Variants in RELN observed in about 807,000 individuals in gnomAD.
RELN encodes reelin.
RELN carries 108 observed loss-of-function variants against 427.6 expected under a neutral mutation model. The ratio of observed to expected loss-of-function variants is 0.25; its 90% CI spans 0.22 to 0.30. RELN has a LOEUF of 0.30. Ranked by LOEUF, RELN falls within the 10% of genes least tolerant of loss-of-function variation. RELN has a pLI of 1.00. For synonymous variants in RELN, 1,524 were observed against 1,513.4 expected (o/e 1.01, Z -0.16); for missense variants, 3,715 against 4,302.8 (o/e 0.86, Z 3.82).
chr7:103,983,779 T>G (rs1015088785), intron 1 of RELN, among the ~76,000 whole-genome samples: 72 of 152,154 alleles, frequency 4.7e-4, no homozygotes, highest in Non-Finnish European at 1.2e-4. Flanking sequence ...CATTCCAACC[T>G]AATGCACTCC....
At chr7:103,639,815 T>C (rs534166864) in intron 17 of RELN, among the ~76,000 whole-genome samples, 61 of 151,594 alleles carry the variant, frequency 4.0e-4, no homozygotes, top group Middle Eastern at 6.8e-3. Flanking sequence ...GTAGACTAGA[T>C]GATCAGCTGT....
chr7:103,636,513 T>A, intron 17 of RELN, 45 bp from the exon 18 acceptor site: 1 of 1,249,710 alleles, frequency 8.0e-7, no homozygotes, highest in Non-Finnish European at 1.2e-6. Context: ...GTTGGCTGTT[T>A]CGGAGATTCT....
chr7:103,548,565 T>C (rs1830348804), intron 41 of RELN, among the ~76,000 whole-genome samples: 1 of 152,248 alleles, frequency 6.6e-6, no homozygotes, highest in Non-Finnish European at 1.5e-5. Context: ...GTTTGAAACG[T>C]GGGTTTATAC....
chr7:103,804,654 A>G (rs1792552814), intron 3 of RELN, among the ~76,000 whole-genome samples: 2 of 152,196 alleles, frequency 1.3e-5, no homozygotes, highest in Non-Finnish European at 2.9e-5. Context: ...AAGAAACAAG[A>G]TCTTTCAGAC....
At chr7:103,900,491 A>G (rs1795060455) in intron 2 of RELN, among the ~76,000 whole-genome samples, 2 of 152,174 alleles carry the variant, frequency 1.3e-5, no homozygotes. Flanking sequence ...CATAGCCAAG[A>G]CAATCCTGGG....
chr7:103,551,377 G>C (rs1246060412), intron 40 of RELN, 81 bp from the exon 41 acceptor site: 3 of 1,003,820 alleles, frequency 3.0e-6, no homozygotes, highest in Non-Finnish European at 4.6e-6. Context: ...TTATTTTCTA[G>C]GGTCCATTTT....
intron 1 of RELN, among the ~76,000 whole-genome samples, chr7:103,973,941 G>A (rs890019342): frequency 7.9e-5 from 12 of 152,132 alleles, no homozygotes; most frequent in Non-Finnish European, 1.2e-4. Context: ...TTAGGAGTTC[G>A]AGACCAGCCT....
chr7:103,839,944 C>T (rs1380215754), intron 2 of RELN, among the ~76,000 whole-genome samples: 1 of 152,126 alleles, frequency 6.6e-6, no homozygotes, highest in African/African-American at 2.4e-5. Flanking sequence ...GTGGATTTCC[C>T]TCTTGCTGTT....
At chr7:103,727,171 C>G (rs1790232598) in intron 7 of RELN, among the ~76,000 whole-genome samples, 2 of 152,074 alleles carry the variant, frequency 1.3e-5, no homozygotes, top group South Asian at 4.1e-4. Context: ...GGAAGTCAGT[C>G]TTTTGACAAC....
In RELN at chr7:103,569,491, C is replaced by T. The variant is rs1830833657; in HGVS notation, c.4588+2693G>A. Among the ~76,000 whole-genome samples the T allele has an allele frequency of 6.6e-6, 1 of 152,216 alleles. No homozygotes were observed. Among genetic ancestry groups the T allele is most frequent in the African/African-American group, 2.4e-5 (1 of 41,458 alleles). ...GTGGAATAATTTGTTATGTAGCATA[C>T]CACTCCAATCCTACTAAATCTAAAT... On this transcript the variant is annotated intron_variant, in intron 31 of 64. Transcript: ENST00000428762. The surrounding 1 kb of genome is among the most constrained non-coding windows in gnomAD (Gnocchi z 4.0).
At chr7:103,748,266 A>G (rs1790898330) in intron 6 of RELN, among the ~76,000 whole-genome samples, 2 of 151,844 alleles carry the variant, frequency 1.3e-5, no homozygotes, top group South Asian at 4.1e-4. Flanking sequence ...ATAAGACTTT[A>G]TGACTAGACT....
intron 51 of RELN, among the ~76,000 whole-genome samples, chr7:103,509,213 G>C (rs139186092): frequency 0.039 from 5,993 of 152,206 alleles, 152 homozygotes; most frequent in Non-Finnish European, 0.046. Context: ...TAAGCAAAAA[G>C]AACAAACCTG....
intron 46 of RELN, among the ~76,000 whole-genome samples, chr7:103,524,368 C>A (rs1449163566): frequency 6.6e-6 from 1 of 152,074 alleles, no homozygotes; most frequent in Non-Finnish European, 1.5e-5. Flanking sequence ...TAAATGAGAC[C>A]AGACTTATTT....
At chr7:103,689,837 C>T (rs1006671839) in intron 10 of RELN, among the ~76,000 whole-genome samples, 3 of 152,106 alleles carry the variant, frequency 2.0e-5, no homozygotes, top group Admixed American at 6.6e-5. Context: ...TCCAGGCTGA[C>T]GCTCTGAAAA....
At chr7:103,629,064 T>A (rs1476370548) in intron 20 of RELN, among the ~76,000 whole-genome samples, 1 of 152,208 alleles carries the variant, frequency 6.6e-6, no homozygotes, top group Non-Finnish European at 1.5e-5. Context: ...TAGTTGCATT[T>A]CTCTTCCTCC....
At chr7:103,670,509 T>C (rs1833367999) in intron 11 of RELN, among the ~76,000 whole-genome samples, 1 of 149,062 alleles carries the variant, frequency 6.7e-6, no homozygotes. Context: ...TGAAGTATAA[T>C]ATGCAAAATG....
In RELN at chr7:103,776,527, T is replaced by C. The variant is rs758393433; in HGVS notation, c.544+30A>G. 5 of 1,610,048 alleles carry C rather than the reference T, an allele frequency of 3.1e-6. No homozygotes were observed. In the African/African-American group the frequency reaches 5.3e-5, roughly 17 times the overall value. ...GGACCTACCATGAATAGTTTGGACA[T>C]AACACAAACAAATCAAATGTGACGC... On this transcript the variant is annotated intron_variant, in intron 4 of 64. Transcript: ENST00000428762.
At chr7:103,638,073 T>TA (rs537252147) in intron 17 of RELN, among the ~76,000 whole-genome samples, 52 of 139,956 alleles carry the variant, frequency 3.7e-4, no homozygotes, top group East Asian at 6.0e-4. Flanking sequence ...AAAATATTTT[T>TA]TAAAAAAAAC....
chr7:103,895,698 C>A (rs1296583312), intron 2 of RELN, among the ~76,000 whole-genome samples: 2 of 151,530 alleles, frequency 1.3e-5, no homozygotes, highest in Non-Finnish European at 2.9e-5. Context: ...TGGAACTCAC[C>A]CAAAGATTGT....
Sources: allele counts gnomAD v4.1 joint callset (sites outside exome capture counted in the v4.1 genomes callset), GRCh38; gene constraint gnomAD v4.1.1; non-coding constraint Gnocchi (gnomAD v3.1); transcripts MANE v1.5; gene names NCBI Gene and HGNC (gene_info 2026-07-23, HGNC 2026-07-21).